Variants in CFAP54 observed in about 807,000 individuals in gnomAD.
CFAP54 encodes cilia and flagella associated protein 54.
CFAP54 carries 290 observed loss-of-function variants against 370.4 expected under a neutral mutation model. The observed-to-expected ratio is 0.78, with a 90% CI of 0.71 to 0.86. CFAP54 has a LOEUF of 0.86. Ranked by LOEUF, CFAP54 falls within the 40% of genes least tolerant of loss-of-function variation. The probability of loss-of-function intolerance (pLI) is 0.00; values close to 1 mark genes in which losing one functional copy is unlikely to be tolerated. For missense variants in CFAP54, 3,399 were observed against 3,528.7 expected (o/e 0.96, Z 0.93); for synonymous variants, 1,206 against 1,236.5 (o/e 0.98, Z 0.52).
intron 14 of CFAP54, 69 bp from the exon 15 acceptor site, chr12:96,547,832 CT>C (rs896852498): frequency 1.3e-4 from 97 of 727,948 alleles, no homozygotes; most frequent in Middle Eastern, 2.4e-4. Flanking sequence ...CCTACTTTTC[CT>C]TTTTTTTCAT....
chr12:96,640,893 A>G (rs1956719428), intron 32 of CFAP54, among the ~76,000 whole-genome samples: 1 of 152,070 alleles, frequency 6.6e-6, no homozygotes, highest in Non-Finnish European at 1.5e-5. Flanking sequence ...CTGAAACTGG[A>G]TCCCTTCCTT....
In CFAP54 at chr12:96,743,540, A is replaced by G. The variant is rs1489574967; in HGVS notation, c.7358A>G (p.Asp2453Gly). 1.9e-6 allele frequency: 3 copies of G among 1,614,050 alleles called. No individual in the cohort carries two copies. The highest frequency in any genetic ancestry group is 3.3e-5 in the Admixed American group (2 of 60,008). ...LGLQEKHLKADIMTNLQDIIH... is the reference protein window; with the variant it reads ...LGLQEKHLKAGIMTNLQDIIH... ...CTACAAGAAAAGCATTTAAAGGCAG[A>G]CATCATGACAAACCTTCAGGTAGAA... The change falls in exon 53 of 68, where the codon GAC becomes GGC. Residue 2453 changes from aspartate (D) to glycine (G), a missense_variant. By Grantham distance (94) the Asp-to-Gly change is moderately conservative. Transcript: ENST00000524981.
chr12:96,515,195 G>A (rs1468497821), intron 5 of CFAP54, among the ~76,000 whole-genome samples: 1 of 151,982 alleles, frequency 6.6e-6, no homozygotes, highest in African/African-American at 2.4e-5. Flanking sequence ...TTTTAGTAGA[G>A]ATGGGGTTTC....
intron 66 of CFAP54, among the ~76,000 whole-genome samples, chr12:96,834,545 C>G (rs1031996975): frequency 3.3e-5 from 5 of 152,264 alleles, no homozygotes; most frequent in Non-Finnish European, 7.3e-5. Context: ...TGGGCGCCAG[C>G]TCTCTGCAAG....
intron 55 of CFAP54, among the ~76,000 whole-genome samples, chr12:96,744,997 A>T (rs1359353588): frequency 1.3e-5 from 2 of 151,868 alleles, no homozygotes; most frequent in African/African-American, 2.4e-5. Flanking sequence ...ATGGCTTCCA[A>T]CTCCATCCAT....
At chr12:96,772,236 G>A (rs1377749548) in intron 60 of CFAP54, among the ~76,000 whole-genome samples, 2 of 152,122 alleles carry the variant, frequency 1.3e-5, no homozygotes, top group Non-Finnish European at 2.9e-5. Context: ...TCCTATTCCT[G>A]CTGTAACAAA....
chr12:96,641,225 T>A (rs1038182566), intron 32 of CFAP54, among the ~76,000 whole-genome samples: 2 of 151,820 alleles, frequency 1.3e-5, no homozygotes, highest in Admixed American at 6.6e-5. Context: ...TCAAACAAAT[T>A]TACAAGAAAA....
chr12:96,795,406 G>T (rs1958751576), intron 63 of CFAP54, among the ~76,000 whole-genome samples: 1 of 152,166 alleles, frequency 6.6e-6, no homozygotes. Flanking sequence ...TTAGGTGGGT[G>T]CAGGGTTAGG....
intron 4 of CFAP54, 95 bp downstream of exon 4, chr12:96,507,194 C>T: frequency 1.0e-6 from 1 of 953,582 alleles, no homozygotes; most frequent in Non-Finnish European, 1.5e-6. Context: ...TGATTTAAAA[C>T]ATACGCATTT....
At chr12:96,824,122 C>T (rs551714485) in intron 65 of CFAP54, among the ~76,000 whole-genome samples, 1 of 152,206 alleles carries the variant, frequency 6.6e-6, no homozygotes, top group East Asian at 1.9e-4. Flanking sequence ...CTGTGCCCTC[C>T]CAGCCCCTCG....
At chr12:96,686,449 G>T (rs76563788) in intron 42 of CFAP54, among the ~76,000 whole-genome samples, 2,802 of 152,300 alleles carry the variant, frequency 0.018, 104 homozygotes, top group African/African-American at 0.065. Flanking sequence ...AGGTTTAATT[G>T]GTTCGTGGTT....
chr12:96,771,520 T>C (rs527387976), intron 60 of CFAP54, among the ~76,000 whole-genome samples: 76 of 152,180 alleles, frequency 5.0e-4, no homozygotes, highest in South Asian at 8.3e-4. Context: ...GGCGCGGTGG[T>C]GGGCCCCTGT....
chr12:96,612,573 A>T (rs1322009124), intron 26 of CFAP54, among the ~76,000 whole-genome samples: 1 of 152,246 alleles, frequency 6.6e-6, no homozygotes, highest in Non-Finnish European at 1.5e-5. Context: ...TAAATGCTCC[A>T]ATTAAAAGAC....
intron 3 of CFAP54, among the ~76,000 whole-genome samples, chr12:96,506,337 CAAA>C (rs10709188): frequency 3.2e-5 from 3 of 94,434 alleles, no homozygotes; most frequent in African/African-American, 4.0e-5. Context: ...GACTCCGTCT[CAAA>C]AAAAAAAAAA....
At position 96,792,345 on chromosome 12, in the gene CFAP54, C is replaced by A. The variant is rs2136702475; in HGVS notation, c.8696C>A (p.Ser2899Tyr). The change falls in exon 63 of 68, where the codon TCT becomes TAT. Residue 2899 changes from serine (S) to tyrosine (Y), a missense_variant. Around this residue, in one of 3 missense-constraint regions of CFAP54, gnomAD observed 2,796 missense variants for 2,869.7 expected, o/e 0.97. Transcript: ENST00000524981. ...ESSAKLYRDS[S>Y]VQSILSFKPV... ...GTTCCCTAGTTGTATCGCGATAGTT[C>A]TGTACAATCCATTTTATCTTTTAAG... 6.5e-7 allele frequency: 1 copy of A among 1,533,222 alleles called. No homozygotes were observed. Among genetic ancestry groups the A allele is most frequent in the Non-Finnish European group, 8.7e-7 (1 of 1,145,702 alleles). 95.0% of individuals were successfully genotyped at this position (1,533,222 alleles called of 1,614,324 possible). A position where few individuals can be genotyped will look rare whatever the true frequency, so the allele number is the denominator to read the frequency against.
intron 60 of CFAP54, among the ~76,000 whole-genome samples, chr12:96,779,620 T>G (rs1260087297): frequency 2.0e-5 from 3 of 149,220 alleles, no homozygotes; most frequent in Admixed American, 1.3e-4. Context: ...ACATGAAATC[T>G]TATATGAATT....
Position 96,744,460 on chromosome 12 carries a change from A to G in CFAP54, c.7684+314A>G, listed in dbSNP as rs558855536. ...AATTATGCCCACATAATTTACTTCAAAATTACCATGCAATTCAGTAACTTT... is the reference window on the plus strand; with the variant it reads ...AATTATGCCCACATAATTTACTTCAGAATTACCATGCAATTCAGTAACTTT... On this transcript the variant is annotated intron_variant, in intron 55 of 67. Transcript: ENST00000524981. 4.6e-5 allele frequency among the ~76,000 whole-genome samples: 7 copies of G among 152,324 alleles called. No homozygotes were observed. In the South Asian group the frequency reaches 1.5e-3, roughly 32 times the overall value.
intron 36 of CFAP54, among the ~76,000 whole-genome samples, chr12:96,652,426 A>G (rs1956871443): frequency 6.6e-6 from 1 of 152,246 alleles, no homozygotes; most frequent in Admixed American, 6.5e-5. Flanking sequence ...TACACTTTAT[A>G]TAAAGTGGTA....
intron 17 of CFAP54, chr12:96,555,031 GTTTA>G (rs1279860711): frequency 6.3e-6 from 2 of 318,790 alleles, no homozygotes; most frequent in Non-Finnish European, 1.1e-5. Flanking sequence ...AGTTAATTAT[GTTTA>G]TTTGTGTTAT....
Sources: allele counts gnomAD v4.1 joint callset (sites outside exome capture counted in the v4.1 genomes callset), GRCh38; gene constraint gnomAD v4.1.1; regional missense constraint gnomAD v4.1.1; transcripts MANE v1.5; gene names NCBI Gene and HGNC (gene_info 2026-07-23, HGNC 2026-07-21).